The following NKX2-8 variants were observed in gnomAD, a reference collection of about 807,000 sequenced individuals.
The protein encoded by NKX2-8 is homeobox protein Nkx-2.8.
A neutral mutation model predicts 6.4 loss-of-function variants in NKX2-8; 8 were observed. The observed-to-expected ratio is 1.24, with a 90% CI of 0.73 to 2.24. The LOEUF is 2.24. Ranked by LOEUF, NKX2-8 falls within the 30% of genes most tolerant of loss-of-function variation. The probability of loss-of-function intolerance (pLI) is 0.00; values close to 1 mark genes in which losing one functional copy is unlikely to be tolerated. For missense variants in NKX2-8, 406 were observed against 351.1 expected (o/e 1.16, Z -1.25); for synonymous variants, 216 against 171.5 (o/e 1.26, Z -2.03).
At chr14:36,582,126 T>C (rs1189103620) in intron 1 of NKX2-8, 107 bp downstream of exon 1, 3 of 1,250,160 alleles carry the variant, frequency 2.4e-6, no homozygotes, top group Non-Finnish European at 2.2e-6. Context: ...AAATCTAGAC[T>C]CTGGGCTGGG....
rs2139053846 is a variant in NKX2-8 at position 36,580,773 on chromosome 14, C to G, written c.*129G>C. On this transcript the variant is annotated 3_prime_UTR_variant, in exon 2 of 2. Transcript: ENST00000258829. ...CGGCTGATGAGGGCGCGCCAGGGAC[C>G]CTGGCGCCCAAGGAGATGGGGCTGC... 1.6e-6 allele frequency: 1 copy of G among 644,540 alleles called. No homozygotes were observed. The highest frequency in any genetic ancestry group is 1.9e-5 in the African/African-American group (1 of 53,134). The allele number at this position is 644,540 out of a possible 1,614,324, so 39.9% of individuals were successfully genotyped here.
chr14:36,582,185 C>A, intron 1 of NKX2-8, 48 bp downstream of exon 1: 1 of 1,552,360 alleles, frequency 6.4e-7, no homozygotes, highest in South Asian at 1.2e-5. Context: ...TTCTGCTGCC[C>A]CACGCCTCCT....
Position 36,582,406 on chromosome 14 carries a change from G to GA in NKX2-8, c.-18dup. On this transcript the variant is annotated 5_prime_UTR_variant, in exon 1 of 2. Transcript: ENST00000258829. ...GGTGGCCATGGCCGAGGAGGGGAAG[G>GA]AGGCGGGGGCAGGGCAGGCTGGGAA... The GA allele has an allele frequency of 6.7e-7, 1 of 1,486,960 alleles. No individual in the cohort carries two copies. The allele number at this position is 1,486,960 out of a possible 1,614,324, so 92.1% of individuals were successfully genotyped here. A position where few individuals can be genotyped will look rare whatever the true frequency, so the allele number is the denominator to read the frequency against.
In NKX2-8 at chr14:36,582,284, G is replaced by C. The variant is rs149915790; in HGVS notation, c.106C>G (p.Gln36Glu). 2.2e-4 allele frequency: 350 copies of C among 1,608,404 alleles called. No individual in the cohort carries two copies. The highest frequency in any genetic ancestry group is 2.1e-3 in the African/African-American group (154 of 74,932). Residue 36 changes from glutamine (Q) to glutamate (E), a missense_variant, in exon 1 of 2, where the codon CAG becomes GAG. Gln to Glu is a conservative substitution (Grantham distance 29). Transcript: ENST00000258829. ...AGCCAGGCGGCGCAGGGGTCGGGCT[G>C]GGGGGCGCGTGGTTCTGGCTCCCGC... is the stretch of plus-strand genomic sequence containing the variant. ...PRREPEPRAP[Q>E]PDPCAAWLDS...
At position 36,581,975 on chromosome 14, in the gene NKX2-8, T is replaced by G. The variant is rs1303954715; in HGVS notation, c.157+258A>C. On this transcript the variant is annotated intron_variant, in intron 1 of 1. Coordinates refer to ENST00000258829, the MANE Select transcript of NKX2-8 (RefSeq NM_014360.4). The surrounding 1 kb of genome is among the most constrained non-coding windows in gnomAD (Gnocchi z 5.6). ...GCGGCGCGTTTTAAATTTCAATTATTCCGACCTCTAGAAATCGTCAGACAC... is the reference window on the plus strand; with the variant it reads ...GCGGCGCGTTTTAAATTTCAATTATGCCGACCTCTAGAAATCGTCAGACAC... Among the ~76,000 whole-genome samples the G allele has an allele frequency of 6.6e-6, 1 of 151,930 alleles. No homozygotes were observed. Among genetic ancestry groups the G allele is most frequent in the Non-Finnish European group, 1.5e-5 (1 of 67,986 alleles).
At position 36,581,540 on chromosome 14, in the gene NKX2-8, G is replaced by C. The variant is rs1879243374; in HGVS notation, c.158-76C>G. ...GGCCTGCTGCCCTTCTGGCGCGGGC[G>C]TGGAGGCACTGGCCAGAGGGCACGC... On this transcript the variant is annotated intron_variant, in intron 1 of 1. Transcript: ENST00000258829. This position sits in a 1 kb window ranked among gnomAD's most constrained non-coding sequence, Gnocchi z 5.6. 7.4e-7 allele frequency: 1 copy of C among 1,349,794 alleles called. No homozygotes were observed. The highest frequency in any genetic ancestry group is 1.5e-5 in the African/African-American group (1 of 67,574). The allele number at this position is 1,349,794 out of a possible 1,614,324, so 83.6% of individuals were successfully genotyped here.
intron 1 of NKX2-8, 121 bp downstream of exon 1, chr14:36,582,112 G>A: frequency 8.8e-7 from 1 of 1,138,608 alleles, no homozygotes; most frequent in Non-Finnish European, 1.2e-6. Flanking sequence ...TTCCAAGACT[G>A]AGGAAATCTA....
chr14:36,581,238 G>A lies in NKX2-8; in HGVS notation c.384C>T (p.Val128=), dbSNP rs778275937. ...ASLLRLTPTQ[V]KIWFQNHRYK... is the part of the protein sequence containing the mutation. ...AGCGATGATTCTGGAACCAGATCTT[G>A]ACCTGCGTGGGCGTGAGGCGAAGCA... The change falls in exon 2 of 2, where the codon GTC becomes GTT. Residue 128 remains valine, a synonymous_variant. Transcript: ENST00000258829. The surrounding 1 kb of genome is among the most constrained non-coding windows in gnomAD (Gnocchi z 5.6). 9.3e-6 allele frequency: 15 copies of A among 1,610,892 alleles called. No individual in the cohort carries two copies. The East Asian group carries it at 3.4e-4, about 36-fold the overall frequency.
At position 36,581,217 on chromosome 14, in the gene NKX2-8, A is replaced by G. The variant is rs1349832792; in HGVS notation, c.405T>C (p.His135=). ...PTQVKIWFQN[H]RYKLKRARAP... is the part of the protein sequence containing the mutation. ...CGCGAGCGCGCTTCAGCTTGTAGCG[A>G]TGATTCTGGAACCAGATCTTGACCT... The change falls in exon 2 of 2, where the codon CAT becomes CAC. Residue 135 remains histidine (H), a synonymous_variant. Coordinates refer to ENST00000258829, the MANE Select transcript of NKX2-8 (RefSeq NM_014360.4). The surrounding 1 kb of genome is among the most constrained non-coding windows in gnomAD (Gnocchi z 5.6). 3 of 1,610,826 alleles carry G rather than the reference A, an allele frequency of 1.9e-6. No homozygotes were observed. The highest frequency in any genetic ancestry group is 2.2e-5 in the South Asian group (2 of 90,644).
Position 36,581,345 on chromosome 14 carries a change from T to C in NKX2-8, c.277A>G (p.Lys93Glu), listed in dbSNP as rs779603921. 1 of 1,572,222 alleles carries C rather than the reference T, an allele frequency of 6.4e-7. No homozygotes were observed. The highest frequency in any genetic ancestry group is 2.3e-5 in the East Asian group (1 of 42,704). Residue 93 changes from lysine (K) to glutamate (E), a missense_variant, in exon 2 of 2, where the codon AAG (lysine) becomes GAG (glutamate). By Grantham distance (56) the Lys-to-Glu change is moderately conservative (BLOSUM62 1). Transcript: ENST00000258829. This position sits in a 1 kb window ranked among gnomAD's most constrained non-coding sequence, Gnocchi z 5.6. ...KRKKRRVLFS[K>E]AQTLELERRF... ...CGCTCCAACTCCAGCGTCTGCGCCT[T>C]GGAGAATAGCACCCGCCGCTTCTTC...
In NKX2-8 at chr14:36,580,745, C is replaced by G. The variant is rs548356463; in HGVS notation, c.*157G>C. On this transcript the variant is annotated 3_prime_UTR_variant, in exon 2 of 2. Transcript: ENST00000258829. The stretch of plus-strand genomic sequence containing the variant: ...CACACGTCCCTCGTGTGTGCTTGCG[C>G]GACGGCTGATGAGGGCGCGCCAGGG... 1.4e-5 allele frequency: 6 copies of G among 444,164 alleles called. No homozygotes were observed. Among genetic ancestry groups the G allele is most frequent in the Non-Finnish European group, 2.2e-5 (6 of 268,454 alleles). The allele number at this position is 444,164 out of a possible 1,614,324, so 27.5% of individuals were successfully genotyped here.
At position 36,581,205 on chromosome 14, in the gene NKX2-8, C is replaced by A. The variant is rs771608170; in HGVS notation, c.417G>T (p.Leu139=). 6.2e-7 allele frequency: 1 copy of A among 1,609,408 alleles called. No homozygotes were observed. The highest frequency in any genetic ancestry group is 1.1e-5 in the South Asian group (1 of 90,546). Reference sequence around the variant, plus strand: ...CCGCCCCTGGAGCGCGAGCGCGCTTCAGCTTGTAGCGATGATTCTGGAACC... The same window carrying A: ...CCGCCCCTGGAGCGCGAGCGCGCTTAAGCTTGTAGCGATGATTCTGGAACC... The part of the protein sequence containing the change: ...KIWFQNHRYK[L]KRARAPGAAE... Residue 139 remains leucine (L), a synonymous_variant, in exon 2 of 2, where the codon CTG becomes CTT. Coordinates refer to ENST00000258829, the MANE Select transcript of NKX2-8 (RefSeq NM_014360.4). The surrounding 1 kb of genome is among the most constrained non-coding windows in gnomAD (Gnocchi z 5.6).
chr14:36,581,402 G>A lies in NKX2-8; in HGVS notation c.220C>T (p.Pro74Ser). ...TCGGCGTCCGAGCCCGGAGACGCGG[G>A]CCTAGCGGACGGCCGCTGCGACGAG... ...PDSSQRPSAR[P>S]ASPGSDAEKR... Residue 74 changes from proline (P) to serine (S), a missense_variant, in exon 2 of 2, where the codon CCC (proline) becomes TCC (serine). Coordinates refer to ENST00000258829, the MANE Select transcript of NKX2-8 (RefSeq NM_014360.4). This position sits in a 1 kb window ranked among gnomAD's most constrained non-coding sequence, Gnocchi z 5.6. 1 of 1,596,168 alleles carries A rather than the reference G, an allele frequency of 6.3e-7. No individual in the cohort carries two copies. Among genetic ancestry groups the A allele is most frequent in the Non-Finnish European group, 8.5e-7 (1 of 1,172,232 alleles).
rs771556367 is a variant in NKX2-8 at position 36,581,268 on chromosome 14, C to T, written c.354G>A (p.Ala118=). The T allele has an allele frequency of 2.5e-6, 4 of 1,606,222 alleles. No individual in the cohort carries two copies. Among genetic ancestry groups the T allele is most frequent in the Non-Finnish European group, 3.4e-6 (4 of 1,177,280 alleles). ...YLSAPEREQL[A]SLLRLTPTQV... ...GCGTGGGCGTGAGGCGAAGCAGGCTCGCCAGCTGCTCGCGCTCGGGCGCAG... is the reference window on the plus strand; with the variant it reads ...GCGTGGGCGTGAGGCGAAGCAGGCTTGCCAGCTGCTCGCGCTCGGGCGCAG... Residue 118 remains alanine (A), a synonymous_variant, in exon 2 of 2, where the codon GCG becomes GCA. Transcript: ENST00000258829. This position sits in a 1 kb window ranked among gnomAD's most constrained non-coding sequence, Gnocchi z 5.6.
Position 36,581,400 on chromosome 14 carries a change from G to C in NKX2-8, c.222C>G (p.Pro74=). Reference sequence around the variant, plus strand: ...TCTCGGCGTCCGAGCCCGGAGACGCGGGCCTAGCGGACGGCCGCTGCGACG... The same window carrying C: ...TCTCGGCGTCCGAGCCCGGAGACGCCGGCCTAGCGGACGGCCGCTGCGACG... ...PDSSQRPSAR[P]ASPGSDAEKR... Residue 74 remains proline, a synonymous_variant, in exon 2 of 2, where the codon CCC becomes CCG. Transcript: ENST00000258829. The surrounding 1 kb of genome is among the most constrained non-coding windows in gnomAD (Gnocchi z 5.6). 1 of 1,595,664 alleles carries C rather than the reference G, an allele frequency of 6.3e-7. No individual in the cohort carries two copies.
Position 36,580,610 on chromosome 14 carries a change from AT to A in NKX2-8, c.*291del, listed in dbSNP as rs1879186450. 3.1e-6 allele frequency: 1 copy of A among 327,168 alleles called. No individual in the cohort carries two copies. The highest frequency in any genetic ancestry group is 4.9e-5 in the Admixed American group (1 of 20,544). 20.3% of individuals were successfully genotyped at this position (327,168 alleles called of 1,614,324 possible). ...GAAAAATACTCTATTTTTTAAAAAA[AT>A]AACTTGCTTCCTATACAAATCGCTA... On this transcript the variant is annotated 3_prime_UTR_variant, in exon 2 of 2. Transcript: ENST00000258829.
chr14:36,580,724 C>G lies in NKX2-8; in HGVS notation c.*178G>C. The G allele has an allele frequency of 2.5e-6, 1 of 406,798 alleles. No individual in the cohort carries two copies. The highest frequency in any genetic ancestry group is 4.3e-6 in the Non-Finnish European group (1 of 234,416). 25.2% of individuals were successfully genotyped at this position (406,798 alleles called of 1,614,324 possible). A position where few individuals can be genotyped will look rare whatever the true frequency, so the allele number is the denominator to read the frequency against. ...AGGTGAGGGAGGGGGCTCTGGCACACGTCCCTCGTGTGTGCTTGCGCGACG... is the reference window on the plus strand; with the variant it reads ...AGGTGAGGGAGGGGGCTCTGGCACAGGTCCCTCGTGTGTGCTTGCGCGACG... On this transcript the variant is annotated 3_prime_UTR_variant, in exon 2 of 2. Transcript: ENST00000258829.
intron 1 of NKX2-8, 79 bp downstream of exon 1, chr14:36,582,154 C>G (rs45605136): frequency 2.3e-4 from 324 of 1,439,316 alleles, no homozygotes; most frequent in Non-Finnish European, 2.5e-4. Flanking sequence ...CTTTCCGGCC[C>G]CTCGTGGGCT....
rs1051811385 is a variant in NKX2-8 at position 36,581,075 on chromosome 14, C to T, written c.547G>A (p.Gly183Ser). 4 of 1,387,398 alleles carry T rather than the reference C, an allele frequency of 2.9e-6. No homozygotes were observed. Among genetic ancestry groups the T allele is most frequent in the Middle Eastern group, 2.2e-4 (1 of 4,592 alleles). The allele number at this position is 1,387,398 out of a possible 1,614,324, so 85.9% of individuals were successfully genotyped here. ...GTTCCCACCTCGCCACCGCCGCCGC[C>T]GCCGCACGGCTGCCCGTCGCGAACA... is the stretch of plus-strand genomic sequence containing the variant. ...VLVRDGQPCG[G>S]GGGGEVGTAA... Residue 183 changes from glycine (G) to serine (S), a missense_variant, in exon 2 of 2, where the codon GGC becomes AGC. Transcript: ENST00000258829. The surrounding 1 kb of genome is among the most constrained non-coding windows in gnomAD (Gnocchi z 5.6).
Sources: gnomAD v4.1 joint callset for allele counts (sites outside exome capture counted in the v4.1 genomes callset) on GRCh38, gnomAD v4.1.1 for gene constraint, Gnocchi (gnomAD v3.1) non-coding constraint, MANE v1.5 for transcripts, NCBI Gene and HGNC (gene_info 2026-07-23, HGNC 2026-07-21) for gene names.